DNAH9: variants seen among roughly 807,000 people sequenced by gnomAD.
DNAH9 encodes the protein DNAH9 variant protein.
Under a neutral mutation model 471.6 loss-of-function variants are expected in DNAH9, and 345 were observed. The observed-to-expected ratio is 0.73, with a 90% CI of 0.67 to 0.80. The LOEUF (loss-of-function observed/expected upper bound fraction) is 0.80, where lower values mean the gene tolerates loss of function less well. Among genes scored for constraint, DNAH9 ranks in the 30% least tolerant of loss-of-function variants. DNAH9 has a pLI of 0.00. For synonymous variants in DNAH9, 2,093 were observed against 2,123.6 expected (o/e 0.99, Z 0.40); for missense variants, 5,407 against 5,609.2 (o/e 0.96, Z 1.15).
chr17:11,964,013 G>A (rs991370961), intron 68 of DNAH9, among the ~76,000 whole-genome samples: 4 of 152,174 alleles, frequency 2.6e-5, no homozygotes, highest in Non-Finnish European at 5.9e-5. Flanking sequence ...GACCAACTCT[G>A]CCCATACTTT....
rs773110271 is a variant in DNAH9, at chr17:11,902,912, G to C, written c.11600G>C (p.Arg3867Pro). The change falls in exon 60 of 69, where the codon CGA becomes CCA. Residue 3867 changes from arginine (R) to proline (P), a missense_variant and splice_region_variant. Physicochemically the swap from Arg to Pro is moderately radical, Grantham distance 103. This residue lies in a region of DNAH9 where 4,636 missense variants were observed against 4,900.3 expected (regional missense o/e 0.95). Coordinates refer to ENST00000262442, the MANE Select transcript of DNAH9 (RefSeq NM_001372.4). ...CCCGACCGGATGACCTATGCTTTGC[G>C]GTAGGAAACAGGGTGGTGGAAGGCC... Reference protein sequence around the residue: ...MRPDRMTYALRDFVEEKLGSK... With the variant: ...MRPDRMTYALPDFVEEKLGSK... 1.9e-6 allele frequency: 3 copies of C among 1,611,840 alleles called. No homozygotes were observed. Among genetic ancestry groups the C allele is most frequent in the Non-Finnish European group, 2.5e-6 (3 of 1,179,260 alleles).
intron 14 of DNAH9, among the ~76,000 whole-genome samples, chr17:11,658,543 C>A (rs1033379389): frequency 1.3e-5 from 2 of 151,416 alleles, no homozygotes; most frequent in South Asian, 4.2e-4. Flanking sequence ...TTCAGTATAA[C>A]GTTGAAGTGG....
At chr17:11,610,370 CATT>C (rs758447419) in intron 2 of DNAH9, 23 bp from the exon 3 acceptor site, 147 of 1,599,010 alleles carry the variant, frequency 9.2e-5, no homozygotes, top group East Asian at 5.4e-4. Flanking sequence ...TTGTTGTTAT[CATT>C]GTTGTTGTTT....
chr17:11,808,064 T>C (rs1315328377), intron 44 of DNAH9, among the ~76,000 whole-genome samples, 170 bp downstream of exon 44: 1 of 152,220 alleles, frequency 6.6e-6, no homozygotes, highest in Admixed American at 6.5e-5. Flanking sequence ...CTCATTAGAC[T>C]CAGCCTGAGA....
chr17:11,919,961 A>T (rs1974082599), intron 61 of DNAH9, among the ~76,000 whole-genome samples: 1 of 152,058 alleles, frequency 6.6e-6, no homozygotes, highest in African/African-American at 2.4e-5. Context: ...CACAGGACAG[A>T]TCTCCATGAT....
At chr17:11,798,432 CAAAAAAAAAAAAAAAAA>C (rs71142247) in intron 43 of DNAH9, among the ~76,000 whole-genome samples, 1 of 61,596 alleles carries the variant, frequency 1.6e-5, no homozygotes, top group Non-Finnish European at 3.0e-5. Context: ...GACTCTGCCT[CAAAAAAAAAAAAAAAAA>C]AAAAAAAAAG....
Position 11,617,582 on chromosome 17 carries a change from C to T in DNAH9, c.1076C>T (p.Thr359Ile). 1 of 1,614,174 alleles carries T rather than the reference C, an allele frequency of 6.2e-7. No homozygotes were observed. The highest frequency in any genetic ancestry group is 8.5e-7 in the Non-Finnish European group (1 of 1,180,034). Reference sequence around the variant, plus strand: ...TCCTACCGCTCCCCGGGAAGGCTGACTGTGCTGCTCCAGGAGATTTGCAAC... The same window carrying T: ...TCCTACCGCTCCCCGGGAAGGCTGATTGTGCTGCTCCAGGAGATTTGCAAC... ...CKSYRSPGRL[T>I]VLLQEICNLL... The change falls in exon 5 of 69, where the codon ACT (threonine) becomes ATT (isoleucine). Residue 359 changes from threonine to isoleucine, a missense_variant. This residue lies in a region of DNAH9 where 767 missense variants were observed against 692.5 expected (regional missense o/e 1.11). Coordinates refer to ENST00000262442, the MANE Select transcript of DNAH9 (RefSeq NM_001372.4).
At chr17:11,827,141 C>A (rs1970527352) in intron 48 of DNAH9, among the ~76,000 whole-genome samples, 1 of 152,224 alleles carries the variant, frequency 6.6e-6, no homozygotes, top group South Asian at 2.1e-4. Flanking sequence ...CTACTTTCAA[C>A]ATCTTGATTT....
At chr17:11,813,163 G>A (rs1030407477) in intron 45 of DNAH9, among the ~76,000 whole-genome samples, 17 of 151,068 alleles carry the variant, frequency 1.1e-4, no homozygotes, top group Non-Finnish European at 2.4e-4. Context: ...AGCCCTCCCA[G>A]TGAAAATGCA....
Position 11,822,596 on chromosome 17 carries a change from T to C in DNAH9, c.9009T>C (p.Ile3003=). The change falls in exon 47 of 69, where the codon ATT becomes ATC. Residue 3003 remains isoleucine (I), a synonymous_variant. Coordinates refer to ENST00000262442, the MANE Select transcript of DNAH9 (RefSeq NM_001372.4). ...SLRFLQNTEG[I]EPTVKQSISK... ...GCTTCTTGCAGAACACAGAGGGCAT[T>C]GAGGTGAGAGAGAAAAGGAGACACT... 1 of 1,614,036 alleles carries C rather than the reference T, an allele frequency of 6.2e-7. No individual in the cohort carries two copies. The highest frequency in any genetic ancestry group is 1.1e-5 in the South Asian group (1 of 91,070).
chr17:11,803,310 TAAC>T (rs1487726322), intron 43 of DNAH9, among the ~76,000 whole-genome samples: 3 of 152,134 alleles, frequency 2.0e-5, no homozygotes, highest in Admixed American at 6.5e-5. Context: ...TAGCAATCAT[TAAC>T]AACAACAACG....
chr17:11,821,527 G>A (rs896592271), intron 45 of DNAH9, among the ~76,000 whole-genome samples: 1 of 151,770 alleles, frequency 6.6e-6, no homozygotes, highest in African/African-American at 2.4e-5. Context: ...CCTTTTTGCC[G>A]GGGGTCTTTT....
At chr17:11,799,108 C>A (rs1019036988) in intron 43 of DNAH9, among the ~76,000 whole-genome samples, 1 of 152,150 alleles carries the variant, frequency 6.6e-6, no homozygotes, top group East Asian at 1.9e-4. Context: ...CCTTGGCTTG[C>A]TTGGCTCCCA....
At chr17:11,611,577 A>G (rs1455785833) in intron 3 of DNAH9, 73 bp from the exon 4 acceptor site, 2 of 1,481,762 alleles carry the variant, frequency 1.3e-6, no homozygotes, top group Non-Finnish European at 1.9e-6. Flanking sequence ...TTTCTGTGTG[A>G]CGATGGGTCA....
At chr17:11,770,274 A>G (rs1968150883) in intron 38 of DNAH9, among the ~76,000 whole-genome samples, 1 of 152,220 alleles carries the variant, frequency 6.6e-6, no homozygotes, top group Non-Finnish European at 1.5e-5. Context: ...TTGCTCTGCC[A>G]TGACCATTTT....
intron 4 of DNAH9, among the ~76,000 whole-genome samples, chr17:11,613,088 C>A (rs1484086387): frequency 1.3e-5 from 2 of 152,196 alleles, no homozygotes; most frequent in Non-Finnish European, 2.9e-5. Flanking sequence ...AGTTGTTAGT[C>A]TCTGAGGTCC....
chr17:11,809,735 G>GT (rs1443693076), intron 44 of DNAH9, among the ~76,000 whole-genome samples: 1 of 152,010 alleles, frequency 6.6e-6, no homozygotes. Flanking sequence ...TAAGTAAGAC[G>GT]TAAGACATAC....
At position 11,756,274 on chromosome 17, in the gene DNAH9, C is replaced by CA. The variant is rs5819339; in HGVS notation, c.6739-275dup. On this transcript the variant is annotated intron_variant, in intron 33 of 68. Transcript: ENST00000262442. Reference sequence around the variant, plus strand: ...CCTGGGTGACAGAGCGAGACTCTGTCAAAAAAAAAAAAAAAAAAATCAGAT... The same window carrying CA: ...CCTGGGTGACAGAGCGAGACTCTGTCAAAAAAAAAAAAAAAAAAAATCAGAT... Among the ~76,000 whole-genome samples the CA allele has an allele frequency of 3.5e-4, 47 of 135,708 alleles. 1 individual carries two copies. The highest frequency in any genetic ancestry group is 8.3e-4 in the African/African-American group (30 of 36,350). 89.0% of individuals were successfully genotyped at this position (135,708 alleles called of 152,430 possible).
intron 57 of DNAH9, among the ~76,000 whole-genome samples, chr17:11,888,359 A>C (rs982140014): frequency 4.6e-5 from 7 of 152,180 alleles, no homozygotes. Context: ...AAGAATTATA[A>C]AAATCTTTTA....
Sources: gnomAD v4.1 joint callset for allele counts (sites outside exome capture counted in the v4.1 genomes callset) on GRCh38, gnomAD v4.1.1 for gene constraint, gnomAD v4.1.1 regional missense constraint, MANE v1.5 for transcripts, NCBI Gene and HGNC (gene_info 2026-07-23, HGNC 2026-07-21) for gene names.